Variants in CRADD observed in about 807,000 individuals in gnomAD.
The protein encoded by CRADD is CARD and death domain containing adaptor protein, also known as death domain-containing protein CRADD.
In CRADD, 9 loss-of-function variants were observed where a neutral mutation model predicts 15.5. The ratio of observed to expected loss-of-function variants is 0.58; its 90% confidence interval spans 0.35 to 1.01. The LOEUF (loss-of-function observed/expected upper bound fraction) is 1.01. Among genes scored for constraint, CRADD ranks in the 50% least tolerant of loss-of-function variants. CRADD has a pLI of 0.02. For missense variants in CRADD, 227 were observed against 250.3 expected, an observed-to-expected ratio of 0.91 and a Z score of 0.63; for synonymous variants, 118 against 107.6, an observed-to-expected ratio of 1.10 and a Z score of -0.60.
chr12:93,890,029 C>T lies in CRADD; in HGVS notation c.299-4021C>T, dbSNP rs543659001. Among the ~76,000 whole-genome samples the T allele has an allele frequency of 3.3e-5, 5 of 152,354 alleles. No individual in the cohort carries two copies. In the East Asian group the frequency reaches 7.7e-4, roughly 24 times the overall value. ...TCACCCCATACATACTCAGCCCGGG[C>T]CTCCGAGCCTTCTTGCAACACTTTT... On this transcript the variant is annotated intron_variant, in intron 2 of 2. Transcript: ENST00000548483.
At chr12:93,795,049 C>T (rs950516879) in intron 2 of CRADD, among the ~76,000 whole-genome samples, 3 of 152,062 alleles carry the variant, frequency 2.0e-5, no homozygotes, top group Non-Finnish European at 4.4e-5. Context: ...ATCTCATAGC[C>T]CATTTTATTT....
intron 2 of CRADD, among the ~76,000 whole-genome samples, chr12:93,731,267 T>G (rs1182857064): frequency 1.3e-5 from 2 of 152,218 alleles, no homozygotes; most frequent in African/African-American, 4.8e-5. Context: ...TTGAAAAAAG[T>G]ATTTAAAAAT....
At chr12:93,746,946 C>T (rs1424664367) in intron 2 of CRADD, among the ~76,000 whole-genome samples, 1 of 151,932 alleles carries the variant, frequency 6.6e-6, no homozygotes, top group Non-Finnish European at 1.5e-5. Context: ...TATAAATAGC[C>T]TCATGTCAGT....
chr12:93,733,186 G>T (rs1343954314), intron 2 of CRADD, among the ~76,000 whole-genome samples: 2 of 152,070 alleles, frequency 1.3e-5, no homozygotes, highest in Non-Finnish European at 1.5e-5. Flanking sequence ...ACATGTTAAG[G>T]CTTTTAATAT....
At chr12:93,821,360 C>G (rs548323514) in intron 2 of CRADD, among the ~76,000 whole-genome samples, 3 of 152,294 alleles carry the variant, frequency 2.0e-5, no homozygotes, top group Admixed American at 6.5e-5. Context: ...CTTCATTTTA[C>G]AGGTTTGGAA....
intron 2 of CRADD, among the ~76,000 whole-genome samples, chr12:93,868,889 C>T (rs1451006718): frequency 6.6e-6 from 1 of 152,046 alleles, no homozygotes; most frequent in East Asian, 1.9e-4. Flanking sequence ...TTGGGGGATC[C>T]CAGGAGGTTA....
chr12:93,706,993 C>T (rs1462590696), intron 2 of CRADD, among the ~76,000 whole-genome samples: 1 of 152,166 alleles, frequency 6.6e-6, no homozygotes. Flanking sequence ...CAAATGGATG[C>T]CGTGGCTTTT....
At chr12:93,681,877 G>GTA (rs142255959) in intron 2 of CRADD, among the ~76,000 whole-genome samples, 4,135 of 151,902 alleles carry the variant, frequency 0.027, 94 homozygotes, top group South Asian at 0.14. Flanking sequence ...GTGTGTGTGT[G>GTA]TATATGTATA....
intron 2 of CRADD, among the ~76,000 whole-genome samples, chr12:93,778,163 TA>T (rs1957160344): frequency 6.6e-6 from 1 of 152,212 alleles, no homozygotes; most frequent in Admixed American, 6.5e-5. Context: ...CTTTATTCTC[TA>T]AAAACTTCAT....
At chr12:93,749,263 G>A (rs1956803981) in intron 2 of CRADD, among the ~76,000 whole-genome samples, 2 of 152,288 alleles carry the variant, frequency 1.3e-5, no homozygotes, top group Non-Finnish European at 1.5e-5. Context: ...AAGTTCAAAG[G>A]GCCAAGATGG....
intron 2 of CRADD, chr12:93,859,348 G>A (rs1464485900): frequency 2.2e-6 from 1 of 455,816 alleles, no homozygotes; most frequent in Non-Finnish European, 4.4e-6. Flanking sequence ...ATGATGGGGA[G>A]GAAGGGAATC....
At chr12:93,795,585 A>G (rs1048942929) in intron 2 of CRADD, among the ~76,000 whole-genome samples, 19 of 152,224 alleles carry the variant, frequency 1.2e-4, no homozygotes, top group Admixed American at 1.1e-3. Flanking sequence ...GCAAAGAGCA[A>G]CAGAGATCTG....
At chr12:93,679,695 C>T (rs530614319) in intron 2 of CRADD, among the ~76,000 whole-genome samples, 2 of 152,258 alleles carry the variant, frequency 1.3e-5, no homozygotes, top group East Asian at 1.9e-4. Context: ...CATCAGAGAG[C>T]CAGGTCATAT....
intron 2 of CRADD, among the ~76,000 whole-genome samples, chr12:93,773,756 A>G (rs1157069459): frequency 6.7e-6 from 1 of 150,036 alleles, no homozygotes; most frequent in Non-Finnish European, 1.5e-5. Flanking sequence ...GAGGTAGGGC[A>G]CATTGCTTCC....
chr12:93,840,758 G>A (rs112804281), intron 2 of CRADD, among the ~76,000 whole-genome samples: 15,509 of 151,766 alleles, frequency 0.1, 928 homozygotes, highest in East Asian at 0.17. Context: ...TGGAGACGGG[G>A]GTTTCTCCAT....
intron 2 of CRADD, among the ~76,000 whole-genome samples, chr12:93,808,430 G>A (rs548432887): frequency 5.3e-5 from 8 of 152,126 alleles, no homozygotes; most frequent in African/African-American, 1.9e-4. Flanking sequence ...ACAGTATGGG[G>A]GAAACCGCCC....
At chr12:93,793,370 C>T (rs1957373659) in intron 2 of CRADD, among the ~76,000 whole-genome samples, 3 of 152,164 alleles carry the variant, frequency 2.0e-5, no homozygotes, top group African/African-American at 7.2e-5. Context: ...ACTTGGACTT[C>T]CTCTATCCTT....
intron 2 of CRADD, among the ~76,000 whole-genome samples, chr12:93,717,892 C>T (rs1370306975): frequency 2.0e-5 from 3 of 152,022 alleles, no homozygotes; most frequent in Non-Finnish European, 4.4e-5. Context: ...TTTTTTTGCA[C>T]GTGGATGTTC....
chr12:93,763,805 C>T lies in CRADD; in HGVS notation c.298+84733C>T, dbSNP rs535233254. ...TGGCAGAAGGGGACTCCAGGGTCCC[C>T]CCATCTCAGGGATGACATGTGGGTC... On this transcript the variant is annotated intron_variant, in intron 2 of 2. Coordinates refer to ENST00000332896, the MANE Select transcript of CRADD (RefSeq NM_003805.5). 3.3e-5 allele frequency among the ~76,000 whole-genome samples: 5 copies of T among 152,256 alleles called. No homozygotes were observed. In the East Asian group the frequency reaches 9.7e-4, roughly 29 times the overall value.
Sources: gnomAD v4.1 joint callset for allele counts (sites outside exome capture counted in the v4.1 genomes callset) on GRCh38, gnomAD v4.1.1 for gene constraint, MANE v1.5 for transcripts, NCBI Gene and HGNC (gene_info 2026-07-23, HGNC 2026-07-21) for gene names.